Variants in ULK4 observed in about 807,000 individuals in gnomAD.
The protein encoded by ULK4 is inactive serine/threonine-protein kinase ULK4.
In ULK4, 133 loss-of-function variants were observed where a neutral mutation model predicts 160.6. That is an observed-to-expected ratio of 0.83 (90% CI 0.72 to 0.96). The LOEUF (loss-of-function observed/expected upper bound fraction) is 0.96. Among genes scored for constraint, ULK4 ranks in the 40% least tolerant of loss-of-function variants. The pLI is 0.00. For missense variants in ULK4, 1,580 were observed against 1,499.5 expected, an observed-to-expected ratio of 1.05 and a Z score of -0.89; for synonymous variants, 534 against 539.8, an observed-to-expected ratio of 0.99 and a Z score of 0.15.
At chr3:41,865,546 A>G (rs1341640816) in intron 17 of ULK4, among the ~76,000 whole-genome samples, 1 of 152,108 alleles carries the variant, frequency 6.6e-6, no homozygotes, top group Non-Finnish European at 1.5e-5. Flanking sequence ...TTTCTACTTA[A>G]CCGTTGCTCC....
intron 34 of ULK4, among the ~76,000 whole-genome samples, chr3:41,436,643 T>C (rs566218239): frequency 5.0e-4 from 76 of 152,322 alleles, no homozygotes; most frequent in African/African-American, 1.7e-3. Flanking sequence ...TACTGGGTTA[T>C]TGGACAGAAA....
intron 11 of ULK4, among the ~76,000 whole-genome samples, chr3:41,908,597 C>G (rs1698662030): frequency 6.6e-6 from 1 of 152,008 alleles, no homozygotes; most frequent in Non-Finnish European, 1.5e-5. Context: ...AAGTGCCCGC[C>G]ACTGCACCAG....
chr3:41,928,285 A>T (rs1699454400), intron 5 of ULK4, among the ~76,000 whole-genome samples: 1 of 152,204 alleles, frequency 6.6e-6, no homozygotes, highest in Admixed American at 6.5e-5. Context: ...AGAAATAAAG[A>T]AGTTCTTTGA....
intron 33 of ULK4, among the ~76,000 whole-genome samples, chr3:41,457,051 G>A (rs1262054723): frequency 6.6e-6 from 1 of 152,212 alleles, no homozygotes; most frequent in Non-Finnish European, 1.5e-5. Flanking sequence ...GGAAACAAAT[G>A]TGCGGCACTA....
intron 21 of ULK4, among the ~76,000 whole-genome samples, chr3:41,777,778 G>T (rs2039682824): frequency 1.5e-5 from 2 of 137,762 alleles, no homozygotes; most frequent in Admixed American, 7.3e-5. Context: ...TTGCACTGTG[G>T]TCTGAGAGAT....
intron 35 of ULK4, among the ~76,000 whole-genome samples, chr3:41,366,074 C>G (rs1052506816): frequency 1.3e-5 from 2 of 152,124 alleles, no homozygotes; most frequent in African/African-American, 4.8e-5. Context: ...ACAAACCAGG[C>G]TAATAATGGC....
chr3:41,533,242 T>C (rs1795330), intron 32 of ULK4, among the ~76,000 whole-genome samples: 129,076 of 152,204 alleles, frequency 0.85, 55,189 homozygotes, highest in Middle Eastern at 0.91. Flanking sequence ...TGAGCAAATA[T>C]GTGTTATTTT....
At chr3:41,432,723 G>T (rs1404434688) in intron 34 of ULK4, among the ~76,000 whole-genome samples, 1 of 152,146 alleles carries the variant, frequency 6.6e-6, no homozygotes, top group African/African-American at 2.4e-5. Flanking sequence ...CCAAAGAAAT[G>T]ATAATTTCAT....
intron 2 of ULK4, among the ~76,000 whole-genome samples, chr3:41,940,092 G>A (rs190420587): frequency 1.6e-4 from 24 of 151,626 alleles, no homozygotes; most frequent in African/African-American, 5.6e-4. Flanking sequence ...ACTTACACCT[G>A]TTTTATTTGA....
At chr3:41,833,276 TTTTTTTTTTG>T (rs1559592285) in intron 18 of ULK4, among the ~76,000 whole-genome samples, 2 of 119,670 alleles carry the variant, frequency 1.7e-5, no homozygotes, top group Non-Finnish European at 3.0e-5. Flanking sequence ...CTTAAGTTGT[TTTTTTTTTTG>T]TTTTTTTTTT....
intron 27 of ULK4, among the ~76,000 whole-genome samples, chr3:41,702,130 A>G (rs906104099): frequency 6.6e-6 from 1 of 152,116 alleles, no homozygotes; most frequent in Admixed American, 6.6e-5. Flanking sequence ...TAATTTTTTA[A>G]TTTTTTAATT....
chr3:41,957,043 T>C lies in ULK4; in HGVS notation c.-48-2236A>G, dbSNP rs116204966. On this transcript the variant is annotated intron_variant, in intron 1 of 36. Coordinates refer to ENST00000301831, the MANE Select transcript of ULK4 (RefSeq NM_017886.4). The stretch of plus-strand genomic sequence containing the variant: ...GGCCAACATAACTCTTTAGTTTTCA[T>C]AAGTAAATAAGGACTTGATGTAAAC... 3.0e-3 allele frequency among the ~76,000 whole-genome samples: 459 copies of C among 152,360 alleles called. 2 individuals carry two copies. Among genetic ancestry groups the C allele is most frequent in the Non-Finnish European group, 5.5e-3 (372 of 68,036 alleles).
At chr3:41,496,586 T>G (rs776093931) in intron 32 of ULK4, among the ~76,000 whole-genome samples, 1 of 151,606 alleles carries the variant, frequency 6.6e-6, no homozygotes, top group Non-Finnish European at 1.5e-5. Context: ...CCTGGTAGAG[T>G]AATAAAGAAA....
chr3:41,788,421 A>G (rs770115099), intron 21 of ULK4, among the ~76,000 whole-genome samples: 3 of 152,212 alleles, frequency 2.0e-5, no homozygotes, highest in South Asian at 4.1e-4. Flanking sequence ...ATAGAAAAAA[A>G]GACCTGTAAT....
chr3:41,474,265 T>A (rs2084076616), intron 32 of ULK4, among the ~76,000 whole-genome samples: 1 of 152,182 alleles, frequency 6.6e-6, no homozygotes, highest in Non-Finnish European at 1.5e-5. Flanking sequence ...GAAACGACTG[T>A]CTCTTCAGTA....
chr3:41,357,450 T>C (rs1440200625), intron 35 of ULK4, among the ~76,000 whole-genome samples: 1 of 152,076 alleles, frequency 6.6e-6, no homozygotes, highest in Non-Finnish European at 1.5e-5. Flanking sequence ...CCCCACAGCC[T>C]AAGAGTGGGT....
intron 21 of ULK4, 89 bp downstream of exon 21, chr3:41,789,572 T>A (rs1238653062): frequency 7.8e-7 from 1 of 1,287,760 alleles, no homozygotes; most frequent in Non-Finnish European, 1.0e-6. Context: ...AAAAATGAAT[T>A]CTACAAACAT....
intron 22 of ULK4, among the ~76,000 whole-genome samples, chr3:41,737,978 G>A (rs1034053274): frequency 5.3e-5 from 8 of 151,948 alleles, no homozygotes; most frequent in Admixed American, 3.9e-4. Context: ...ATGGTAAGAA[G>A]AGACAAATGA....
At chr3:41,667,986 G>A (rs1039158096) in intron 29 of ULK4, among the ~76,000 whole-genome samples, 1 of 152,176 alleles carries the variant, frequency 6.6e-6, no homozygotes, top group African/African-American at 2.4e-5. Flanking sequence ...TTATCTGGGA[G>A]AAAACTGAAA....
Sources: gnomAD v4.1 joint callset for allele counts (sites outside exome capture counted in the v4.1 genomes callset) on GRCh38, gnomAD v4.1.1 for gene constraint, MANE v1.5 for transcripts, NCBI Gene and HGNC (gene_info 2026-07-23, HGNC 2026-07-21) for gene names.